Variants in RBM20 observed in about 807,000 individuals in gnomAD.
The protein encoded by RBM20 is RNA-binding protein 20.
Under a neutral mutation model 110.1 loss-of-function variants are expected in RBM20, and 51 were observed. That is an observed-to-expected ratio of 0.46 (90% confidence interval 0.37 to 0.59). RBM20 has a LOEUF of 0.59. Among genes scored for constraint, RBM20 ranks in the 20% least tolerant of loss-of-function variants. RBM20 has a pLI of 0.00. For synonymous variants in RBM20, 589 were observed against 618.2 expected (o/e 0.95, Z 0.70); for missense variants, 1,512 against 1,574.9 (o/e 0.96, Z 0.68).
chr10:110,695,724 T>C (rs1298695031), intron 1 of RBM20, among the ~76,000 whole-genome samples: 4 of 152,180 alleles, frequency 2.6e-5, no homozygotes, highest in African/African-American at 9.7e-5. Context: ...CATTTGAGCA[T>C]TGGGAAGTGG....
chr10:110,766,332 G>GTTTTTTC (rs1844083392), intron 1 of RBM20, among the ~76,000 whole-genome samples: 1 of 149,458 alleles, frequency 6.7e-6, no homozygotes, highest in Non-Finnish European at 1.5e-5. Context: ...TTTGTTTTTT[G>GTTTTTTC]TTTTTTGTTT....
chr10:110,676,786 A>G (rs1862346089), intron 1 of RBM20, among the ~76,000 whole-genome samples: 1 of 79,122 alleles, frequency 1.3e-5, no homozygotes, highest in South Asian at 4.6e-4. Context: ...GAAGCAACAA[A>G]TGCTATTTTT....
At chr10:110,696,987 T>C (rs1862674142) in intron 1 of RBM20, among the ~76,000 whole-genome samples, 1 of 152,220 alleles carries the variant, frequency 6.6e-6, no homozygotes, top group South Asian at 2.1e-4. Context: ...ACCCCCATTC[T>C]TACCTCTGTC....
At chr10:110,689,293 G>A (rs888493811) in intron 1 of RBM20, among the ~76,000 whole-genome samples, 34 of 152,230 alleles carry the variant, frequency 2.2e-4, no homozygotes, top group African/African-American at 8.2e-4. Context: ...GAGGCCTGGG[G>A]ACACAGGGGT....
intron 1 of RBM20, among the ~76,000 whole-genome samples, chr10:110,657,775 G>A (rs187586092): frequency 1.7e-3 from 253 of 152,266 alleles, no homozygotes; most frequent in African/African-American, 5.2e-3. Context: ...AATGAAGCTC[G>A]TATGAACATT....
intron 13 of RBM20, chr10:110,831,428 C>G (rs1845050432): frequency 7.2e-6 from 3 of 415,504 alleles, no homozygotes; most frequent in Non-Finnish European, 1.3e-5. Context: ...TCAGGCTGCT[C>G]TCGACATGGT....
At chr10:110,814,680 G>A (rs1844817110) in intron 9 of RBM20, among the ~76,000 whole-genome samples, 1 of 152,148 alleles carries the variant, frequency 6.6e-6, no homozygotes, top group Non-Finnish European at 1.5e-5. Flanking sequence ...ATTTTTAGTA[G>A]AGACAGGGTT....
chr10:110,767,671 C>G (rs1393234775), intron 1 of RBM20, among the ~76,000 whole-genome samples: 3 of 151,162 alleles, frequency 2.0e-5, no homozygotes, highest in Admixed American at 6.6e-5. Flanking sequence ...CGGGTAGAGG[C>G]GCTCCTCACA....
At chr10:110,779,657 G>A (rs1329100972) in intron 1 of RBM20, among the ~76,000 whole-genome samples, 3 of 152,208 alleles carry the variant, frequency 2.0e-5, no homozygotes, top group African/African-American at 4.8e-5. Flanking sequence ...GGGATCTGAC[G>A]CTTTCCCCAG....
At chr10:110,787,938 A>AT (rs1564846338) in intron 5 of RBM20, among the ~76,000 whole-genome samples, 1 of 152,140 alleles carries the variant, frequency 6.6e-6, no homozygotes, top group African/African-American at 2.4e-5. Context: ...TGTTCTTAGC[A>AT]TTTTTGTTTT....
chr10:110,743,802 G>A (rs1843747704), intron 1 of RBM20, among the ~76,000 whole-genome samples: 1 of 152,152 alleles, frequency 6.6e-6, no homozygotes, highest in African/African-American at 2.4e-5. Context: ...TTTTAGTAGA[G>A]ATGGGGTTTC....
chr10:110,810,269 G>A (rs1030769128), intron 7 of RBM20, 114 bp from the exon 8 acceptor site: 3 of 736,658 alleles, frequency 4.1e-6, no homozygotes, highest in Non-Finnish European at 7.2e-6. Context: ...CCCCACACAA[G>A]GTATTTTTTC....
chr10:110,694,919 G>T (rs1427347064), intron 1 of RBM20, among the ~76,000 whole-genome samples: 1 of 152,134 alleles, frequency 6.6e-6, no homozygotes, highest in Non-Finnish European at 1.5e-5. Context: ...CAGGCTAGTG[G>T]CCTCCTATAG....
chr10:110,728,283 T>C (rs1458722553), intron 1 of RBM20, among the ~76,000 whole-genome samples: 1 of 152,144 alleles, frequency 6.6e-6, no homozygotes, highest in East Asian at 1.9e-4. Flanking sequence ...GGAGATTGAG[T>C]TGATGCTGCA....
intron 1 of RBM20, among the ~76,000 whole-genome samples, chr10:110,683,411 A>C (rs1862451684): frequency 6.6e-6 from 1 of 152,202 alleles, no homozygotes; most frequent in South Asian, 2.1e-4. Flanking sequence ...GGTTTTCATT[A>C]ATTTTGTGTG....
chr10:110,773,192 G>A (rs112721256), intron 1 of RBM20, among the ~76,000 whole-genome samples: 58 of 152,252 alleles, frequency 3.8e-4, no homozygotes, highest in Non-Finnish European at 6.3e-4. Flanking sequence ...TCAGTCCTAG[G>A]CACTATTTTA....
At chr10:110,779,422 C>T (rs1251161575) in intron 1 of RBM20, among the ~76,000 whole-genome samples, 3 of 152,210 alleles carry the variant, frequency 2.0e-5, no homozygotes, top group Admixed American at 2.0e-4. Flanking sequence ...ACACTTTGCC[C>T]CATGCACCTC....
chr10:110,647,544 T>G (rs1178610414), intron 1 of RBM20, among the ~76,000 whole-genome samples: 3 of 152,198 alleles, frequency 2.0e-5, no homozygotes, highest in Non-Finnish European at 2.9e-5. Context: ...CGATTTAGGC[T>G]ATTTAGGAAA....
intron 1 of RBM20, among the ~76,000 whole-genome samples, chr10:110,768,245 G>A (rs1844136965): frequency 7.4e-6 from 1 of 134,712 alleles, no homozygotes; most frequent in Admixed American, 7.6e-5. Context: ...GAGAGGGAGG[G>A]AAAGGGAGAG....
Sources: gnomAD v4.1 joint callset for allele counts (sites outside exome capture counted in the v4.1 genomes callset) on GRCh38, gnomAD v4.1.1 for gene constraint, MANE v1.5 for transcripts, NCBI Gene and HGNC (gene_info 2026-07-23, HGNC 2026-07-21) for gene names.